Variants in GSE1 observed in about 807,000 individuals in gnomAD.
GSE1 encodes the protein Gse1 coiled-coil protein.
Under a neutral mutation model 112.6 loss-of-function variants are expected in GSE1, and 32 were observed. That is an observed-to-expected ratio of 0.28 (90% CI 0.21 to 0.38). The LOEUF (loss-of-function observed/expected upper bound fraction) is 0.38, where lower values mean the gene tolerates loss of function less well. Among genes scored for constraint, GSE1 ranks in the 10% least tolerant of loss-of-function variants. The probability of loss-of-function intolerance (pLI) is 1.00; values close to 1 mark genes in which losing one functional copy is unlikely to be tolerated. For synonymous variants in GSE1, 1,115 were observed against 735.6 expected (o/e 1.52, Z -8.35); for missense variants, 2,348 against 1,699.2 (o/e 1.38, Z -6.71).
chr16:85,660,735 G>C (rs1048614503), intron 8 of GSE1, among the ~76,000 whole-genome samples: 11 of 151,898 alleles, frequency 7.2e-5, no homozygotes, highest in African/African-American at 2.7e-4. Flanking sequence ...GGTTCAAGCA[G>C]TTCTCCTGCC....
rs57310409 is a variant in GSE1, at chr16:85,512,241, C to T, written c.2465-121673C>T. Among the ~76,000 whole-genome samples the T allele has an allele frequency of 3.1e-4, 47 of 152,306 alleles. No individual in the cohort carries two copies. The East Asian group carries it at 8.9e-3, about 29-fold the overall frequency. On this transcript the variant is annotated intron_variant, in intron 2 of 2. Coordinates refer to the GSE1 transcript ENST00000637419. ...AGCCCCCTCAACGCCAAGCCTGGAC[C>T]CAGGCAGTATTCACCGCAGCTGTGA...
intron 1 of GSE1, among the ~76,000 whole-genome samples, chr16:85,303,203 G>A (rs1012365254): frequency 3.9e-5 from 6 of 152,254 alleles, no homozygotes; most frequent in Admixed American, 1.3e-4. Flanking sequence ...GCAACGGGAA[G>A]CGGAGGCGGA....
At chr16:85,303,310 G>C (rs1363591815) in intron 1 of GSE1, among the ~76,000 whole-genome samples, 1 of 152,224 alleles carries the variant, frequency 6.6e-6, no homozygotes, top group African/African-American at 2.4e-5. Context: ...TCATGCTGAG[G>C]TCAGGGCACA....
chr16:85,657,699 C>T (rs1026225517), intron 8 of GSE1, 95 bp downstream of exon 8: 5 of 783,194 alleles, frequency 6.4e-6, no homozygotes, highest in Non-Finnish European at 9.5e-6. Context: ...ACATCCTGCC[C>T]CAGCGTTTCT....
intron 15 of GSE1, chr16:85,672,172 T>G (rs1383263912): frequency 5.8e-6 from 3 of 517,512 alleles, no homozygotes; most frequent in Non-Finnish European, 1.1e-5. Context: ...CTAATTTTTT[T>G]GTTTAGTAGA....
chr16:85,403,933 C>G lies in GSE1; in HGVS notation c.2464+46290C>G, dbSNP rs534148007. Among the ~76,000 whole-genome samples, 5 of 152,288 alleles carry G rather than the reference C, an allele frequency of 3.3e-5. No individual in the cohort carries two copies. The East Asian group carries it at 7.7e-4, about 23-fold the overall frequency. ...GAGGCCCCTTACTGCCTCTCCCAGC[C>G]TCTGGGGACTCTGGCTTCCAGGGCT... On this transcript the variant is annotated intron_variant, in intron 2 of 2. Coordinates refer to the GSE1 transcript ENST00000637419.
At chr16:85,191,463 A>G (rs1001218932) in intron 1 of GSE1, among the ~76,000 whole-genome samples, 1 of 152,162 alleles carries the variant, frequency 6.6e-6, no homozygotes, top group Non-Finnish European at 1.5e-5. Context: ...TTTCATTTTT[A>G]TGATTATTCC....
chr16:85,257,596 T>C (rs1907220583), intron 1 of GSE1, among the ~76,000 whole-genome samples: 2 of 152,244 alleles, frequency 1.3e-5, no homozygotes, highest in South Asian at 2.1e-4. Context: ...ACTGCCTTTA[T>C]TGCAAAGGAA....
chr16:85,227,083 T>C (rs12919965), intron 1 of GSE1, among the ~76,000 whole-genome samples: 9,815 of 152,028 alleles, frequency 0.065, 613 homozygotes, highest in East Asian at 0.19. Context: ...ATTACCCATC[T>C]TTCCTCAGTC....
intron 2 of GSE1, among the ~76,000 whole-genome samples, chr16:85,393,869 C>T (rs766971328): frequency 6.6e-5 from 10 of 152,164 alleles, no homozygotes; most frequent in African/African-American, 9.7e-5. Flanking sequence ...GCCTTCTCAC[C>T]GCCAGGGGGC....
intron 2 of GSE1, among the ~76,000 whole-genome samples, chr16:85,462,283 T>A (rs910418682): frequency 2.0e-5 from 3 of 152,060 alleles, no homozygotes; most frequent in African/African-American, 7.2e-5. Context: ...TTAGAAGCGA[T>A]GTCAGGTCGT....
At position 85,657,440 on chromosome 16, in the gene GSE1, TGAG is replaced by T. The variant is rs758757723; in HGVS notation, c.1483_1485del (p.Glu495del). 43 of 1,612,250 alleles carry T rather than the reference TGAG, an allele frequency of 2.7e-5. No individual in the cohort carries two copies. The highest frequency in any genetic ancestry group is 2.7e-5 in the Non-Finnish European group (32 of 1,179,722). On this transcript the variant is annotated inframe_deletion, in exon 8 of 16. Coordinates refer to ENST00000253458, the MANE Select transcript of GSE1 (RefSeq NM_014615.5). ...CAGCCCTGCTGATCCAGCGCACCAA[TGAG>T]GAGGAGAAGTGGCTGGCGCGGCAGC...
chr16:85,344,307 T>A (rs1257405167), intron 1 of GSE1, among the ~76,000 whole-genome samples: 1 of 152,086 alleles, frequency 6.6e-6, no homozygotes, highest in East Asian at 1.9e-4. Flanking sequence ...GGGAGGGGAC[T>A]CCTAGGCAGT....
intron 1 of GSE1, among the ~76,000 whole-genome samples, chr16:85,330,814 T>G (rs2046321974): frequency 1.3e-5 from 2 of 152,238 alleles, no homozygotes; most frequent in Admixed American, 6.5e-5. Flanking sequence ...GGGACACATC[T>G]TCCCTGTCTT....
At chr16:85,591,643 T>C (rs2047007326) in intron 1 of GSE1, among the ~76,000 whole-genome samples, 1 of 152,212 alleles carries the variant, frequency 6.6e-6, no homozygotes, top group African/African-American at 2.4e-5. Context: ...TGCTGGGGGC[T>C]CCTGGCTGCA....
intron 2 of GSE1, among the ~76,000 whole-genome samples, chr16:85,446,646 A>G (rs762480932): frequency 3.0e-4 from 46 of 152,156 alleles, no homozygotes; most frequent in Non-Finnish European, 4.6e-4. Context: ...AGTAGACGCC[A>G]TCGAGCGGGT....
chr16:85,653,826 G>A (rs554879331), intron 3 of GSE1, among the ~76,000 whole-genome samples: 5 of 152,316 alleles, frequency 3.3e-5, no homozygotes, highest in African/African-American at 7.2e-5. Flanking sequence ...AGCTGTCGGC[G>A]CAGTTGACGT....
Position 85,329,692 on chromosome 16 carries a change from C to T in GSE1, c.2284-27771C>T, listed in dbSNP as rs944244878. The stretch of plus-strand genomic sequence containing the variant: ...ATTAGGCCGGAGCCAGCCGAGGATT[C>T]CTTGGGCTTGGTTATTAAAGGCTCC... On this transcript the variant is annotated intron_variant, in intron 1 of 2. Transcript: ENST00000637419. 3.9e-5 allele frequency among the ~76,000 whole-genome samples: 6 copies of T among 152,148 alleles called. No individual in the cohort carries two copies. The South Asian group carries it at 1.2e-3, about 32-fold the overall frequency.
chr16:85,475,116 G>T (rs1331896692), intron 2 of GSE1, among the ~76,000 whole-genome samples: 1 of 152,158 alleles, frequency 6.6e-6, no homozygotes, highest in African/African-American at 2.4e-5. Flanking sequence ...GCTCTGACGG[G>T]CAGTCCCTGC....
Sources: allele counts gnomAD v4.1 joint callset (sites outside exome capture counted in the v4.1 genomes callset), GRCh38; gene constraint gnomAD v4.1.1; transcripts MANE v1.5; gene names NCBI Gene and HGNC (gene_info 2026-07-23, HGNC 2026-07-21).